The following TGM4 variants were observed in gnomAD, a reference collection of about 807,000 sequenced individuals.
The protein encoded by TGM4 is transglutaminase 4, also known as protein-glutamine gamma-glutamyltransferase 4.
A neutral mutation model predicts 76.3 loss-of-function variants in TGM4; 61 were observed. The observed-to-expected ratio is 0.80, with a 90% CI of 0.65 to 0.99. TGM4 has a LOEUF of 0.99. TGM4 is among the 50% of genes least tolerant of loss of function. TGM4 has a pLI of 0.00. For missense variants in TGM4, 794 were observed against 843.2 expected (o/e 0.94, Z 0.72); for synonymous variants, 337 against 329.8 (o/e 1.02, Z -0.24).
At chr3:44,902,312 T>C (rs1434765516) in intron 8 of TGM4, among the ~76,000 whole-genome samples, 1 of 152,176 alleles carries the variant, frequency 6.6e-6, no homozygotes, top group Non-Finnish European at 1.5e-5. Flanking sequence ...TGTTAAAAAA[T>C]GCAGATTCTT....
chr3:44,879,575 C>T (rs550676501), intron 1 of TGM4, among the ~76,000 whole-genome samples: 82 of 151,388 alleles, frequency 5.4e-4, no homozygotes, highest in Non-Finnish European at 1.0e-4. Flanking sequence ...CAGGTTCACG[C>T]CATTCTCCCG....
At chr3:44,893,462 T>C in intron 4 of TGM4, 115 bp from the exon 5 acceptor site, 1 of 890,508 alleles carries the variant, frequency 1.1e-6, no homozygotes, top group South Asian at 1.4e-5. Flanking sequence ...CATTGGGTGT[T>C]CCAAGCCCCT....
intron 6 of TGM4, among the ~76,000 whole-genome samples, chr3:44,898,587 T>C (rs951396198): frequency 1.1e-4 from 16 of 152,320 alleles, no homozygotes; most frequent in Admixed American, 2.6e-4. Flanking sequence ...AACTGGCTGC[T>C]CTTGCCATCT....
chr3:44,905,038 G>A (rs1222066954), intron 9 of TGM4, among the ~76,000 whole-genome samples: 1 of 151,982 alleles, frequency 6.6e-6, no homozygotes, highest in Admixed American at 6.6e-5. Flanking sequence ...AGGCTGGAGT[G>A]CAATGGTGCA....
At chr3:44,885,207 C>T in intron 1 of TGM4, 118 bp from the exon 2 acceptor site, 1 of 1,057,498 alleles carries the variant, frequency 9.5e-7, no homozygotes. Context: ...AGCAGGGATG[C>T]CCGACTCTAA....
rs775311104 is a variant in TGM4 at position 44,896,814 on chromosome 3, A to G, written c.655A>G (p.Met219Val). ...PVLVCRAMCA[M>V]MSFEKGQGVL... Reference sequence around the variant, plus strand: ...GCTGGTGTGCAGGGCCATGTGTGCTATGGTAGGTATGGAAAGCCTGGGCTG... The same window carrying G: ...GCTGGTGTGCAGGGCCATGTGTGCTGTGGTAGGTATGGAAAGCCTGGGCTG... The change falls in exon 6 of 14, where the codon ATG (methionine) becomes GTG (valine). Residue 219 changes from methionine to valine, a missense_variant and splice_region_variant. Transcript: ENST00000296125. The G allele has an allele frequency of 1.5e-5, 25 of 1,613,492 alleles. No homozygotes were observed. The highest frequency in any genetic ancestry group is 6.6e-5 in the South Asian group (6 of 91,080).
chr3:44,911,231 T>C, intron 12 of TGM4, 39 bp from the exon 13 acceptor site: 1 of 1,612,930 alleles, frequency 6.2e-7, no homozygotes, highest in Non-Finnish European at 8.5e-7. Context: ...GGCTCATGCA[T>C]ATCTTCTCTC....
At chr3:44,883,585 G>C (rs1215330408) in intron 1 of TGM4, among the ~76,000 whole-genome samples, 1 of 152,224 alleles carries the variant, frequency 6.6e-6, no homozygotes, top group Non-Finnish European at 1.5e-5. Flanking sequence ...CCACCCCAAG[G>C]TTTCAGCCCA....
chr3:44,891,839 G>GT (rs904751872), intron 4 of TGM4, among the ~76,000 whole-genome samples: 7 of 151,892 alleles, frequency 4.6e-5, no homozygotes, highest in Non-Finnish European at 1.0e-4. Context: ...GCCGGGCATG[G>GT]TGGCGGGCGC....
At chr3:44,905,197 G>A (rs1302059330) in intron 9 of TGM4, among the ~76,000 whole-genome samples, 1 of 152,008 alleles carries the variant, frequency 6.6e-6, no homozygotes, top group Non-Finnish European at 1.5e-5. Context: ...TGCTGGCCAG[G>A]CTTGTCTCAA....
At chr3:44,903,830 TCTAA>T in intron 8 of TGM4, 50 bp from the exon 9 acceptor site, 1 of 1,529,438 alleles carries the variant, frequency 6.5e-7, no homozygotes, top group South Asian at 1.1e-5. Flanking sequence ...CGTATTTATC[TCTAA>T]CTAGGTTTGG....
rs746646648 is a variant in TGM4, at chr3:44,903,886, A to G, written c.974A>G (p.Asn325Ser). 1.2e-5 allele frequency: 20 copies of G among 1,613,920 alleles called. No homozygotes were observed. In the East Asian group the frequency reaches 4.0e-4, roughly 32 times the overall value. ...GGCCCGTTCCCAATTTGCGGCAGGA[A>G]TTTCCATGTGTGGACGGATGCCTGG... ...ITSMTHDSVWNFHVWTDAWMK... is the reference protein window; with the variant it reads ...ITSMTHDSVWSFHVWTDAWMK... The change falls in exon 9 of 14, where the codon AAT becomes AGT. Residue 325 changes from asparagine (N) to serine (S), a missense_variant and splice_region_variant. Transcript: ENST00000296125.
chr3:44,909,422 G>A (rs1360955361), intron 10 of TGM4, among the ~76,000 whole-genome samples: 1 of 152,202 alleles, frequency 6.6e-6, no homozygotes, highest in Non-Finnish European at 1.5e-5. Context: ...GGAAACTGCA[G>A]TTGTAAACAA....
chr3:44,877,972 G>A (rs1241373955), intron 1 of TGM4, among the ~76,000 whole-genome samples: 1 of 152,038 alleles, frequency 6.6e-6, no homozygotes, highest in Admixed American at 6.6e-5. Flanking sequence ...GCAACATAAG[G>A]AGACCCCTTC....
intron 5 of TGM4, among the ~76,000 whole-genome samples, chr3:44,894,961 GA>G (rs1441607064): frequency 6.6e-6 from 1 of 152,142 alleles, no homozygotes; most frequent in Admixed American, 6.5e-5. Context: ...GGGTAGGGAA[GA>G]AGGAATCACC....
chr3:44,895,502 C>T (rs1430738170), intron 5 of TGM4, among the ~76,000 whole-genome samples: 1 of 152,024 alleles, frequency 6.6e-6, no homozygotes, highest in Admixed American at 6.6e-5. Context: ...TGATGCATGC[C>T]TATAGTCCCA....
chr3:44,898,656 G>A (rs571830303), intron 6 of TGM4, among the ~76,000 whole-genome samples: 2 of 152,312 alleles, frequency 1.3e-5, no homozygotes, highest in African/African-American at 2.4e-5. Flanking sequence ...GAACTGCTGC[G>A]ACAGACGGAT....
chr3:44,909,210 A>T (rs1468533712), intron 10 of TGM4, among the ~76,000 whole-genome samples: 1 of 152,176 alleles, frequency 6.6e-6, no homozygotes. Context: ...GCAATTTACA[A>T]TTCTGCCTTC....
At chr3:44,885,759 G>A (rs1219370563) in intron 2 of TGM4, among the ~76,000 whole-genome samples, 1 of 152,206 alleles carries the variant, frequency 6.6e-6, no homozygotes, top group Non-Finnish European at 1.5e-5. Context: ...AGGTGACTCA[G>A]CGGGCATCTG....
Sources: allele counts gnomAD v4.1 joint callset (sites outside exome capture counted in the v4.1 genomes callset), GRCh38; gene constraint gnomAD v4.1.1; transcripts MANE v1.5; gene names NCBI Gene and HGNC (gene_info 2026-07-23, HGNC 2026-07-21).